CD72: variants seen among roughly 807,000 people sequenced by gnomAD.
The protein encoded by CD72 is CD72 molecule.
Under a neutral mutation model 50.7 loss-of-function variants are expected in CD72, and 28 were observed. The ratio of observed to expected loss-of-function variants is 0.55; its 90% CI spans 0.41 to 0.76. The LOEUF (loss-of-function observed/expected upper bound fraction) is 0.76. Among genes scored for constraint, CD72 ranks in the 30% least tolerant of loss-of-function variants. The pLI is 0.00. For synonymous variants in CD72, 176 were observed against 171.2 expected (o/e 1.03, Z -0.22); for missense variants, 403 against 420.6 (o/e 0.96, Z 0.37).
chr9:35,616,354 T>C, intron 4 of CD72, 76 bp from the exon 5 acceptor site: 1 of 1,217,418 alleles, frequency 8.2e-7, no homozygotes, highest in South Asian at 1.4e-5. Context: ...CATCAGCCCT[T>C]TTTCTGCTTC....
chr9:35,614,703 AACAAAGAAGT>A (rs1209262065), intron 5 of CD72, among the ~76,000 whole-genome samples: 9 of 152,218 alleles, frequency 5.9e-5, no homozygotes, highest in Middle Eastern at 3.4e-3. Flanking sequence ...AGGATAATGG[AACAAAGAAGT>A]GAGTGAGCCA....
At chr9:35,614,732 G>T (rs374114106) in intron 5 of CD72, among the ~76,000 whole-genome samples, 16 of 152,264 alleles carry the variant, frequency 1.1e-4, no homozygotes, top group African/African-American at 3.9e-4. Flanking sequence ...CAGGTGCGGT[G>T]GCTCACGACT....
Position 35,616,588 on chromosome 9 carries a change from A to T in CD72, c.352+12T>A, listed in dbSNP as rs753299669. On this transcript the variant is annotated intron_variant, in intron 4 of 8. Transcript: ENST00000259633. The stretch of plus-strand genomic sequence containing the variant: ...TTCGGTGTAAGTGGGAAGTAGGGAC[A>T]GCCTTACTCACAGCGCACTCCCAGG... 1.7e-5 allele frequency: 28 copies of T among 1,604,840 alleles called. No homozygotes were observed. The highest frequency in any genetic ancestry group is 2.4e-5 in the Non-Finnish European group (28 of 1,171,680).
chr9:35,616,726 C>T (rs1355160932), intron 3 of CD72, 37 bp from the exon 4 acceptor site: 1 of 1,543,716 alleles, frequency 6.5e-7, no homozygotes, highest in Non-Finnish European at 8.9e-7. Context: ...GGCAGTCAGC[C>T]CCCGTAAAGA....
chr9:35,616,411 A>G, intron 4 of CD72, 133 bp from the exon 5 acceptor site: 1 of 855,796 alleles, frequency 1.2e-6, no homozygotes, highest in South Asian at 1.6e-5. Flanking sequence ...TTGACTGACT[A>G]AAGCGTAAGG....
At chr9:35,611,335 A>G (rs1429226076) in intron 7 of CD72, among the ~76,000 whole-genome samples, 1 of 152,058 alleles carries the variant, frequency 6.6e-6, no homozygotes, top group East Asian at 1.9e-4. Context: ...TTGATCCTCA[A>G]TGGTACCCCA....
chr9:35,626,596 A>G (rs566450529), intron 1 of CD72, among the ~76,000 whole-genome samples: 3 of 152,320 alleles, frequency 2.0e-5, no homozygotes, highest in South Asian at 2.1e-4. Flanking sequence ...GAAAAGAATC[A>G]ATGTGGCAAA....
At chr9:35,633,155 T>C (rs1823261523) in intron 1 of CD72, among the ~76,000 whole-genome samples, 1 of 151,392 alleles carries the variant, frequency 6.6e-6, no homozygotes, top group African/African-American at 2.4e-5. Flanking sequence ...TTGCCCAGGC[T>C]GGTTTCGAAC....
At chr9:35,622,496 TA>T (rs913920260), upstream of CD72, among the ~76,000 whole-genome samples, 3 of 152,032 alleles carry the variant, frequency 2.0e-5, no homozygotes, top group African/African-American at 7.3e-5. Context: ...TGAAATGTCA[TA>T]AAAATAATAA....
At chr9:35,639,148 T>C (rs1328053892) in intron 1 of CD72, among the ~76,000 whole-genome samples, 1 of 152,004 alleles carries the variant, frequency 6.6e-6, no homozygotes, top group Non-Finnish European at 1.5e-5. Context: ...CAAACATTAA[T>C]TGATGAGCAA....
upstream of CD72, chr9:35,618,817 G>C: frequency 3.1e-6 from 4 of 1,270,396 alleles, no homozygotes; most frequent in Non-Finnish European, 4.1e-6. Context: ...TGCATCCCTC[G>C]CTTCTCATCA....
At position 35,628,950 on chromosome 9, in the gene CD72, C is replaced by T. The variant is rs1476618743; in HGVS notation, n.409-10829G>A. Among the ~76,000 whole-genome samples the T allele has an allele frequency of 3.3e-5, 5 of 152,312 alleles. No homozygotes were observed. In the East Asian group the frequency reaches 9.6e-4, roughly 29 times the overall value. ...AGTGCAGTGGCATGATCACTGCTCG[C>T]TGCAGCCTCAACCTGCTGGGCTCAA... On this transcript the variant is annotated intron_variant and non_coding_transcript_variant, in intron 1 of 3. Coordinates refer to the CD72 transcript ENST00000465754.
intron 1 of CD72, among the ~76,000 whole-genome samples, chr9:35,641,614 G>C (rs1286162744): frequency 6.6e-6 from 1 of 152,150 alleles, no homozygotes; most frequent in Non-Finnish European, 1.5e-5. Context: ...ATGTCTTCTT[G>C]AGGTTCCTCA....
intron 1 of CD72, among the ~76,000 whole-genome samples, chr9:35,640,423 G>C (rs1224270451): frequency 1.3e-5 from 2 of 152,250 alleles, no homozygotes; most frequent in African/African-American, 4.8e-5. Flanking sequence ...CCAAGGAATG[G>C]AATCTTGGGC....
At chr9:35,615,376 C>T (rs1823048921) in intron 5 of CD72, among the ~76,000 whole-genome samples, 1 of 152,064 alleles carries the variant, frequency 6.6e-6, no homozygotes, top group South Asian at 2.1e-4. Context: ...TCCCTTTCCC[C>T]ATCTCCACTT....
At chr9:35,624,851 G>T (rs1823181492) in intron 1 of CD72, among the ~76,000 whole-genome samples, 1 of 152,012 alleles carries the variant, frequency 6.6e-6, no homozygotes, top group South Asian at 2.1e-4. Context: ...AGTGATTTTT[G>T]ATGTTAATAT....
rs1823071999 is a variant in CD72, at chr9:35,616,852, G to A, written c.263-163C>T. The A allele has an allele frequency of 2.9e-5, 30 of 1,016,986 alleles. No homozygotes were observed. The South Asian group carries it at 4.1e-4, about 14-fold the overall frequency. The allele number at this position is 1,016,986 out of a possible 1,614,324, so 63.0% of individuals were successfully genotyped here. ...GGTGGTTTCTGTCGGGTAGCGGGGTGTTTCGCAGGTAGGGGAGAGGGTGTT... is the reference window on the plus strand; with the variant it reads ...GGTGGTTTCTGTCGGGTAGCGGGGTATTTCGCAGGTAGGGGAGAGGGTGTT... On this transcript the variant is annotated intron_variant, in intron 3 of 8. Coordinates refer to ENST00000259633, the MANE Select transcript of CD72 (RefSeq NM_001782.3).
chr9:35,642,165 G>A (rs990031253), intron 1 of CD72, among the ~76,000 whole-genome samples: 6 of 152,128 alleles, frequency 3.9e-5, no homozygotes, highest in Non-Finnish European at 8.8e-5. Flanking sequence ...GATCAGTCAC[G>A]GGAACCTCTA....
upstream of CD72, among the ~76,000 whole-genome samples, chr9:35,620,256 G>A (rs117622252): frequency 8.8e-3 from 1,343 of 152,122 alleles, 8 homozygotes; most frequent in Non-Finnish European, 0.015. Context: ...CTTCTAGTCT[G>A]CACTCAAAAA....
Sources: allele counts gnomAD v4.1 joint callset (sites outside exome capture counted in the v4.1 genomes callset), GRCh38; gene constraint gnomAD v4.1.1; transcripts MANE v1.5; gene names NCBI Gene and HGNC (gene_info 2026-07-23, HGNC 2026-07-21).